The following ANTXR1 variants were observed in gnomAD, a reference collection of about 807,000 sequenced individuals.
ANTXR1 encodes the protein anthrax toxin receptor 1.
ANTXR1 carries 19 observed loss-of-function variants against 78.1 expected under a neutral mutation model. That is an observed-to-expected ratio of 0.24 (90% CI 0.17 to 0.36). The LOEUF (loss-of-function observed/expected upper bound fraction) is 0.36. Ranked by LOEUF, ANTXR1 falls within the 10% of genes least tolerant of loss-of-function variation. ANTXR1 has a pLI of 1.00. For missense variants in ANTXR1, 518 were observed against 718.6 expected (o/e 0.72, Z 3.19); for synonymous variants, 273 against 260.5 (o/e 1.05, Z -0.46).
At chr2:69,188,692 A>C (rs1674482074) in intron 16 of ANTXR1, among the ~76,000 whole-genome samples, 1 of 152,258 alleles carries the variant, frequency 6.6e-6, no homozygotes, top group South Asian at 2.1e-4. Flanking sequence ...TCACAGAAGC[A>C]GTTGGGCATT....
intron 1 of ANTXR1, among the ~76,000 whole-genome samples, chr2:69,038,481 A>G (rs1241210882): frequency 1.3e-5 from 2 of 152,218 alleles, no homozygotes; most frequent in East Asian, 1.9e-4. Flanking sequence ...TACAGTGCCT[A>G]TTATAAGATT....
chr2:69,094,401 C>T (rs1009613447), intron 9 of ANTXR1, among the ~76,000 whole-genome samples: 4 of 152,178 alleles, frequency 2.6e-5, no homozygotes, highest in African/African-American at 9.7e-5. Context: ...GATTAATTAA[C>T]TCAACATGTA....
intron 17 of ANTXR1, among the ~76,000 whole-genome samples, chr2:69,244,856 C>T (rs564997940): frequency 6.7e-4 from 102 of 152,292 alleles, no homozygotes; most frequent in Middle Eastern, 6.8e-3. Context: ...AGTAACTCCG[C>T]TTTTCTGAAC....
At chr2:69,091,986 C>T (rs565559555) in intron 9 of ANTXR1, among the ~76,000 whole-genome samples, 2 of 152,168 alleles carry the variant, frequency 1.3e-5, no homozygotes, top group Non-Finnish European at 2.9e-5. Flanking sequence ...TTCTTAAGTG[C>T]CTGCTGCATG....
chr2:69,064,779 G>A (rs1445391460), intron 3 of ANTXR1, among the ~76,000 whole-genome samples: 1 of 152,160 alleles, frequency 6.6e-6, no homozygotes, highest in Non-Finnish European at 1.5e-5. Flanking sequence ...GTGTGTCAAA[G>A]ACAATCCATG....
At chr2:69,019,947 A>G (rs62135610) in intron 1 of ANTXR1, among the ~76,000 whole-genome samples, 6,137 of 152,286 alleles carry the variant, frequency 0.04, 160 homozygotes, top group South Asian at 0.057. Context: ...GCCATGGTGT[A>G]TATATACCAC....
chr2:69,142,468 G>T (rs1014576305), intron 12 of ANTXR1, among the ~76,000 whole-genome samples: 3 of 152,178 alleles, frequency 2.0e-5, no homozygotes, highest in African/African-American at 2.4e-5. Flanking sequence ...AAATAAAGTA[G>T]ATAAGACAGA....
intron 1 of ANTXR1, among the ~76,000 whole-genome samples, chr2:69,019,353 T>C (rs1321606731): frequency 6.6e-6 from 1 of 152,222 alleles, no homozygotes; most frequent in Admixed American, 6.5e-5. Flanking sequence ...TTTCTTCCAT[T>C]TTAACTTGTT....
chr2:69,096,282 A>AAGGAAGGGAGGAAGGGAGGAAGGG (rs1258672829), intron 9 of ANTXR1, among the ~76,000 whole-genome samples: 13 of 34,630 alleles, frequency 3.8e-4, no homozygotes, highest in Non-Finnish European at 4.4e-4. Flanking sequence ...GGAAGGAAGG[A>AAGGAAGGGAGGAAGGGAGGAAGGG]AGGAAGGGAG....
intron 13 of ANTXR1, among the ~76,000 whole-genome samples, chr2:69,160,130 A>G (rs190508406): frequency 5.7e-4 from 87 of 152,256 alleles, no homozygotes; most frequent in Non-Finnish European, 1.1e-3. Context: ...CCATATGGAC[A>G]CGCCTCAGGC....
chr2:69,023,256 A>AGATGGT (rs200426977), intron 1 of ANTXR1, among the ~76,000 whole-genome samples: 1,457 of 145,458 alleles, frequency 0.01, 23 homozygotes, highest in African/African-American at 0.039. Flanking sequence ...CTGAGACGAT[A>AGATGGT]GATGGTGATG....
intron 14 of ANTXR1, among the ~76,000 whole-genome samples, chr2:69,170,716 G>A (rs1011704876): frequency 3.3e-5 from 5 of 152,162 alleles, no homozygotes; most frequent in African/African-American, 1.2e-4. Flanking sequence ...GGAATAACCT[G>A]ATGCCCAATT....
intron 3 of ANTXR1, 83 bp downstream of exon 3, chr2:69,044,896 G>C: frequency 7.3e-7 from 1 of 1,378,160 alleles, no homozygotes; most frequent in Non-Finnish European, 1.0e-6. Context: ...TGCCAGCCTT[G>C]ACCTGTTGAT....
At position 69,013,672 on chromosome 2, in the gene ANTXR1, C is replaced by G. The variant is rs1017599272; in HGVS notation, c.152+21C>G. ...GACAAGTAAGTGCCGCGAGTTGTCCCCCCCACCCCAGGCTAAGCGGGCGAA... is the reference window on the plus strand; with the variant it reads ...GACAAGTAAGTGCCGCGAGTTGTCCGCCCCACCCCAGGCTAAGCGGGCGAA... On this transcript the variant is annotated intron_variant, in intron 1 of 17. Transcript: ENST00000303714. The surrounding 1 kb of genome is among the most constrained non-coding windows in gnomAD (Gnocchi z 5.0). 16 of 1,551,416 alleles carry G rather than the reference C, an allele frequency of 1.0e-5. No homozygotes were observed. The highest frequency in any genetic ancestry group is 1.4e-5 in the Non-Finnish European group (16 of 1,146,862).
At chr2:69,209,887 A>G (rs1044776443) in intron 17 of ANTXR1, among the ~76,000 whole-genome samples, 4 of 152,120 alleles carry the variant, frequency 2.6e-5, no homozygotes, top group African/African-American at 9.7e-5. Flanking sequence ...AGCAGGGGGG[A>G]GACAAGTGCC....
intron 1 of ANTXR1, among the ~76,000 whole-genome samples, chr2:69,016,837 AGTGGGTCTCTAAACAGTGTGCT>A (rs1558727803): frequency 1.3e-5 from 2 of 152,236 alleles, no homozygotes; most frequent in African/African-American, 2.4e-5. Context: ...AATCATGTCA[AGTGGGTCTCTAAACAGTGTGCT>A]CACTTCCAAG....
intron 3 of ANTXR1, among the ~76,000 whole-genome samples, chr2:69,061,306 C>G (rs955772699): frequency 1.3e-5 from 2 of 152,140 alleles, no homozygotes; most frequent in Non-Finnish European, 2.9e-5. Context: ...GTCAGGGACA[C>G]CAGGCACAGA....
chr2:69,184,481 T>C (rs1298280150), intron 16 of ANTXR1, among the ~76,000 whole-genome samples: 1 of 152,238 alleles, frequency 6.6e-6, no homozygotes, highest in African/African-American at 2.4e-5. Flanking sequence ...TTCTCAGCCA[T>C]GAAGAAGAAA....
chr2:69,131,956 A>G (rs1232521922), intron 12 of ANTXR1, among the ~76,000 whole-genome samples: 2 of 152,204 alleles, frequency 1.3e-5, no homozygotes, highest in East Asian at 3.8e-4. Context: ...CTCCAGTAGG[A>G]GCAGACCCCT....
Sources: allele counts gnomAD v4.1 joint callset (sites outside exome capture counted in the v4.1 genomes callset), GRCh38; gene constraint gnomAD v4.1.1; non-coding constraint Gnocchi (gnomAD v3.1); transcripts MANE v1.5; gene names NCBI Gene and HGNC (gene_info 2026-07-23, HGNC 2026-07-21).